KIAA1217: variants seen among roughly 807,000 people sequenced by gnomAD.
The protein encoded by KIAA1217 is KIAA1217.
Under a neutral mutation model 163.9 loss-of-function variants are expected in KIAA1217, and 88 were observed. That is an observed-to-expected ratio of 0.54 (90% confidence interval 0.45 to 0.64). The LOEUF (loss-of-function observed/expected upper bound fraction) is 0.64, where lower values mean the gene tolerates loss of function less well. Ranked by LOEUF, KIAA1217 falls within the 30% of genes least tolerant of loss-of-function variation. KIAA1217 has a pLI of 0.00. For synonymous variants in KIAA1217, 903 were observed against 923.1 expected (o/e 0.98, Z 0.39); for missense variants, 2,372 against 2,475.0 (o/e 0.96, Z 0.88).
chr10:24,021,258 T>C (rs540582817), intron 2 of KIAA1217, among the ~76,000 whole-genome samples: 2 of 151,948 alleles, frequency 1.3e-5, no homozygotes, highest in Non-Finnish European at 2.9e-5. Context: ...AGCAAGATTG[T>C]AGGATATGAG....
At chr10:23,705,927 T>A (rs930773474) in intron 1 of KIAA1217, among the ~76,000 whole-genome samples, 1 of 152,172 alleles carries the variant, frequency 6.6e-6, no homozygotes, top group Non-Finnish European at 1.5e-5. Flanking sequence ...AAGGTCTTAA[T>A]TTTTTTCAAC....
intron 2 of KIAA1217, among the ~76,000 whole-genome samples, chr10:24,062,311 C>G (rs2060757665): frequency 7.9e-6 from 1 of 126,420 alleles, no homozygotes; most frequent in Non-Finnish European, 1.6e-5. Flanking sequence ...ACAACCATCC[C>G]CAGTGTGTGA....
intron 1 of KIAA1217, among the ~76,000 whole-genome samples, chr10:23,904,325 A>C (rs1842065246): frequency 1.3e-5 from 2 of 152,176 alleles, no homozygotes; most frequent in African/African-American, 4.8e-5. Flanking sequence ...CATATGTAAC[A>C]TGATTTTAAC....
chr10:24,486,117 C>G (rs1260285589), intron 6 of KIAA1217, among the ~76,000 whole-genome samples: 1 of 152,350 alleles, frequency 6.6e-6, no homozygotes, highest in African/African-American at 2.4e-5. Flanking sequence ...CCCATTGGGC[C>G]AAGCCACCTC....
At chr10:23,832,581 C>G (rs74498378) in intron 1 of KIAA1217, among the ~76,000 whole-genome samples, 2,020 of 152,228 alleles carry the variant, frequency 0.013, 50 homozygotes, top group African/African-American at 0.046. Context: ...AGCCACCTCC[C>G]CATCCTAGGG....
intron 1 of KIAA1217, among the ~76,000 whole-genome samples, chr10:23,742,784 CA>C (rs1324393011): frequency 6.6e-6 from 1 of 152,144 alleles, no homozygotes; most frequent in Non-Finnish European, 1.5e-5. Context: ...CAAACTGTAT[CA>C]GGGGTTGACT....
At chr10:24,218,369 A>T (rs1036615620) in intron 1 of KIAA1217, among the ~76,000 whole-genome samples, 6 of 152,012 alleles carry the variant, frequency 3.9e-5, no homozygotes, top group African/African-American at 1.5e-4. Flanking sequence ...AGAAGGCAGG[A>T]TGTCTTAGGT....
chr10:24,019,116 G>T (rs759290412), intron 2 of KIAA1217, among the ~76,000 whole-genome samples: 1 of 152,052 alleles, frequency 6.6e-6, no homozygotes, highest in South Asian at 2.1e-4. Flanking sequence ...AAATTTTGGA[G>T]ATTTGTTGTA....
chr10:23,755,506 T>C (rs911191315), intron 1 of KIAA1217, among the ~76,000 whole-genome samples: 6 of 152,166 alleles, frequency 3.9e-5, no homozygotes, highest in African/African-American at 1.4e-4. Context: ...TAAGAGTATA[T>C]AGAATGTGCA....
chr10:23,919,476 T>C (rs959897836), intron 1 of KIAA1217, among the ~76,000 whole-genome samples: 2 of 151,600 alleles, frequency 1.3e-5, no homozygotes, highest in Non-Finnish European at 2.9e-5. Flanking sequence ...TGCAGTGGCA[T>C]GTGTCTGTAA....
At position 24,267,393 on chromosome 10, in the gene KIAA1217, C is replaced by G. The variant is rs543988789; in HGVS notation, c.354+47484C>G. Among the ~76,000 whole-genome samples the G allele has an allele frequency of 3.5e-4, 53 of 152,256 alleles. No homozygotes were observed. The South Asian group carries it at 3.7e-3, about 11-fold the overall frequency. The stretch of plus-strand genomic sequence containing the variant: ...GAAACCCAGAAGAGGAAAGAGTTCT[C>G]CCAAGGTAAGGGAACCTAGAAAAAG... On this transcript the variant is annotated intron_variant, in intron 2 of 20. Coordinates refer to ENST00000376454, the MANE Select transcript of KIAA1217 (RefSeq NM_019590.5).
intron 1 of KIAA1217, among the ~76,000 whole-genome samples, chr10:23,721,119 A>G (rs1837855164): frequency 6.6e-6 from 1 of 152,190 alleles, no homozygotes; most frequent in Non-Finnish European, 1.5e-5. Context: ...ACATGTGAGA[A>G]CTTCATAAAA....
At chr10:23,919,467 G>T (rs995767150) in intron 1 of KIAA1217, among the ~76,000 whole-genome samples, 7 of 151,854 alleles carry the variant, frequency 4.6e-5, no homozygotes, top group Non-Finnish European at 8.8e-5. Context: ...TTATCTGGGT[G>T]CAGTGGCATG....
At chr10:23,752,612 C>A (rs573706559) in intron 1 of KIAA1217, among the ~76,000 whole-genome samples, 1 of 152,294 alleles carries the variant, frequency 6.6e-6, no homozygotes, top group South Asian at 2.1e-4. Flanking sequence ...TGAATTCATG[C>A]AATATTGCAC....
intron 1 of KIAA1217, among the ~76,000 whole-genome samples, chr10:23,781,531 A>T (rs1053812073): frequency 6.6e-6 from 1 of 152,316 alleles, no homozygotes; most frequent in African/African-American, 2.4e-5. Context: ...ATCCATCTGT[A>T]GGCAACGTTT....
chr10:24,493,260 C>A (rs1225737483), intron 6 of KIAA1217, among the ~76,000 whole-genome samples: 1 of 152,238 alleles, frequency 6.6e-6, no homozygotes, highest in Non-Finnish European at 1.5e-5. Flanking sequence ...AACCCAGAGG[C>A]CTGTGGGACT....
chr10:24,060,397 G>A (rs897654498), intron 2 of KIAA1217, among the ~76,000 whole-genome samples: 6 of 152,058 alleles, frequency 3.9e-5, no homozygotes, highest in Admixed American at 6.6e-5. Flanking sequence ...TTGTTCAAAA[G>A]CATGTAGTTT....
At chr10:24,418,915 G>A (rs1304029516) in intron 3 of KIAA1217, among the ~76,000 whole-genome samples, 2 of 151,440 alleles carry the variant, frequency 1.3e-5, no homozygotes, top group Admixed American at 6.6e-5. Context: ...GGTGGCTCAC[G>A]CCTGTAATCC....
intron 1 of KIAA1217, among the ~76,000 whole-genome samples, chr10:23,945,185 T>TG (rs1564554724): frequency 6.6e-6 from 1 of 151,940 alleles, no homozygotes; most frequent in African/African-American, 2.4e-5. Context: ...TCTACAAGAA[T>TG]GCTCATAGTA....
Sources: gnomAD v4.1 joint callset for allele counts (sites outside exome capture counted in the v4.1 genomes callset) on GRCh38, gnomAD v4.1.1 for gene constraint, MANE v1.5 for transcripts, NCBI Gene and HGNC (gene_info 2026-07-23, HGNC 2026-07-21) for gene names.